TBC1D5: variants seen among roughly 807,000 people sequenced by gnomAD.
TBC1D5 encodes TBC1 domain family, member 5.
In TBC1D5, 75 loss-of-function variants were observed where a neutral mutation model predicts 100.3. The observed-to-expected ratio is 0.75, with a 90% confidence interval of 0.62 to 0.91. The LOEUF is 0.91. Ranked by LOEUF, TBC1D5 falls within the 40% of genes least tolerant of loss-of-function variation. TBC1D5 has a pLI of 0.00. For missense variants in TBC1D5, 910 were observed against 942.4 expected (o/e 0.97, Z 0.45); for synonymous variants, 323 against 325.6 (o/e 0.99, Z 0.09).
intron 1 of TBC1D5, among the ~76,000 whole-genome samples, chr3:17,737,003 ACT>A (rs2077012004): frequency 6.6e-6 from 1 of 151,628 alleles, no homozygotes; most frequent in Non-Finnish European, 1.5e-5. Flanking sequence ...ACAGAGTGAG[ACT>A]CTGTCTCAAT....
intron 16 of TBC1D5, among the ~76,000 whole-genome samples, chr3:17,247,742 T>C (rs2076856579): frequency 1.3e-5 from 2 of 152,256 alleles, no homozygotes; most frequent in African/African-American, 4.8e-5. Flanking sequence ...CTTCAAACCC[T>C]ACTGCTGGTT....
intron 2 of TBC1D5, among the ~76,000 whole-genome samples, chr3:17,600,385 T>C (rs1451385952): frequency 1.3e-5 from 2 of 152,206 alleles, no homozygotes; most frequent in Middle Eastern, 3.2e-3. Context: ...TGTTTCAGTC[T>C]GTCTGCTAGC....
chr3:17,401,379 G>A (rs1482594192), intron 8 of TBC1D5, among the ~76,000 whole-genome samples: 11 of 41,138 alleles, frequency 2.7e-4, no homozygotes, highest in South Asian at 1.1e-3. Flanking sequence ...ATATACATAT[G>A]TATATGTATA....
chr3:17,705,176 C>G (rs1417547002), intron 1 of TBC1D5, among the ~76,000 whole-genome samples: 44 of 66,342 alleles, frequency 6.6e-4, no homozygotes, highest in Non-Finnish European at 1.1e-3. Context: ...TCCCGGACGG[C>G]ACGGCTGGCC....
At chr3:17,475,377 C>T (rs944465931) in intron 3 of TBC1D5, among the ~76,000 whole-genome samples, 6 of 151,976 alleles carry the variant, frequency 3.9e-5, no homozygotes, top group South Asian at 2.1e-4. Context: ...CACTCACCCC[C>T]TCCAAATTTA....
At chr3:17,370,726 A>T (rs1447889469) in intron 13 of TBC1D5, among the ~76,000 whole-genome samples, 1 of 152,236 alleles carries the variant, frequency 6.6e-6, no homozygotes, top group African/African-American at 2.4e-5. Flanking sequence ...ATAAAATGAG[A>T]ATATAAACAA....
intron 18 of TBC1D5, among the ~76,000 whole-genome samples, chr3:17,192,750 T>C (rs1457211073): frequency 6.6e-6 from 1 of 152,254 alleles, no homozygotes; most frequent in African/African-American, 2.4e-5. Context: ...TGTTTACAAA[T>C]AAAGCAGCTT....
intron 13 of TBC1D5, among the ~76,000 whole-genome samples, chr3:17,361,164 C>T (rs538084833): frequency 5.3e-5 from 8 of 151,892 alleles, no homozygotes; most frequent in Non-Finnish European, 1.0e-4. Context: ...GTGACTGGAA[C>T]GCTATTTCCT....
intron 3 of TBC1D5, among the ~76,000 whole-genome samples, chr3:17,494,857 A>G (rs981369362): frequency 2.0e-5 from 3 of 152,168 alleles, no homozygotes; most frequent in Non-Finnish European, 4.4e-5. Flanking sequence ...GCAGCCACCA[A>G]GAGTCTGCAC....
At chr3:17,329,207 T>A (rs1019778943) in intron 13 of TBC1D5, among the ~76,000 whole-genome samples, 2 of 152,222 alleles carry the variant, frequency 1.3e-5, no homozygotes, top group Non-Finnish European at 2.9e-5. Context: ...TCCGTGGTGA[T>A]AACTTGATTA....
chr3:17,246,268 G>C (rs1289652080), intron 16 of TBC1D5, among the ~76,000 whole-genome samples: 1 of 152,066 alleles, frequency 6.6e-6, no homozygotes, highest in Non-Finnish European at 1.5e-5. Context: ...ACACTGCTGA[G>C]AAGTTAAAGA....
intron 2 of TBC1D5, among the ~76,000 whole-genome samples, chr3:17,614,449 T>C (rs1430705901): frequency 2.6e-5 from 4 of 152,240 alleles, no homozygotes; most frequent in Non-Finnish European, 4.4e-5. Flanking sequence ...TTGATGGCGA[T>C]GGTATTGAAT....
At chr3:17,644,455 T>G (rs910023943) in intron 1 of TBC1D5, among the ~76,000 whole-genome samples, 1 of 152,156 alleles carries the variant, frequency 6.6e-6, no homozygotes, top group Non-Finnish European at 1.5e-5. Flanking sequence ...TAATCTAATA[T>G]CATTCTTCAA....
At chr3:17,586,003 G>A (rs1164732775) in intron 2 of TBC1D5, among the ~76,000 whole-genome samples, 2 of 152,056 alleles carry the variant, frequency 1.3e-5, no homozygotes, top group African/African-American at 4.8e-5. Flanking sequence ...AAAGGCCTAT[G>A]GATACAAAAA....
At chr3:17,547,469 C>A (rs1433086990) in intron 2 of TBC1D5, among the ~76,000 whole-genome samples, 1 of 152,164 alleles carries the variant, frequency 6.6e-6, no homozygotes, top group Non-Finnish European at 1.5e-5. Flanking sequence ...AATGCTTTTA[C>A]TTCTCTTAAG....
intron 1 of TBC1D5, among the ~76,000 whole-genome samples, chr3:17,734,045 A>T (rs763949252): frequency 6.6e-6 from 1 of 152,158 alleles, no homozygotes; most frequent in Non-Finnish European, 1.5e-5. Context: ...AGATCTTTTG[A>T]CCCAGCAATT....
At chr3:17,271,101 C>T (rs967463430) in intron 15 of TBC1D5, among the ~76,000 whole-genome samples, 6 of 152,050 alleles carry the variant, frequency 3.9e-5, no homozygotes, top group African/African-American at 1.4e-4. Flanking sequence ...TATTCAGGCT[C>T]TTTTTCAGTT....
At chr3:17,247,103 G>A (rs1192876196) in intron 16 of TBC1D5, among the ~76,000 whole-genome samples, 1 of 152,144 alleles carries the variant, frequency 6.6e-6, no homozygotes, top group Non-Finnish European at 1.5e-5. Flanking sequence ...TTAGTCACAT[G>A]GGCATTCCAT....
Position 17,592,784 on chromosome 3 carries a change from G to T in TBC1D5, c.-36+31065C>A, listed in dbSNP as rs1011910125. Among the ~76,000 whole-genome samples, 10 of 152,292 alleles carry T rather than the reference G, an allele frequency of 6.6e-5. No homozygotes were observed. In the South Asian group the frequency reaches 2.1e-3, roughly 32 times the overall value. ...GAGCCTTTAGCAGGCTCCCACAGGT[G>T]AATCACAGTGGAGCCCTCTAGGATT... is the stretch of plus-strand genomic sequence containing the variant. On this transcript the variant is annotated intron_variant, in intron 2 of 21. Transcript: ENST00000253692.
Sources: gnomAD v4.1 joint callset for allele counts (sites outside exome capture counted in the v4.1 genomes callset) on GRCh38, gnomAD v4.1.1 for gene constraint, MANE v1.5 for transcripts, NCBI Gene and HGNC (gene_info 2026-07-23, HGNC 2026-07-21) for gene names.